Variants in TPRX1 observed in about 807,000 individuals in gnomAD.
TPRX1 encodes the protein tetrapeptide repeat homeobox 1.
A neutral mutation model predicts 8.1 loss-of-function variants in TPRX1; 2 were observed. The observed-to-expected ratio is 0.25, with a 90% CI of 0.10 to 0.78. TPRX1 has a LOEUF of 0.78. Among genes scored for constraint, TPRX1 ranks in the 30% least tolerant of loss-of-function variants. The pLI, the probability that TPRX1 is intolerant of heterozygous loss-of-function variation, is 0.70. For synonymous variants in TPRX1, 257 were observed against 254.1 expected (o/e 1.01, Z -0.11); for missense variants, 517 against 586.9 (o/e 0.88, Z 1.23).
intron 2 of TPRX1, among the ~76,000 whole-genome samples, chr19:47,811,057 G>A (rs1027928880): frequency 2.0e-5 from 3 of 150,022 alleles, no homozygotes; most frequent in African/African-American, 4.9e-5. Flanking sequence ...AGGCTGGACC[G>A]CAGTGGAGTG....
intron 2 of TPRX1, among the ~76,000 whole-genome samples, chr19:47,817,400 C>T (rs2123722414): frequency 6.6e-6 from 1 of 152,240 alleles, no homozygotes; most frequent in East Asian, 1.9e-4. Flanking sequence ...GCGGCAGAGC[C>T]AGAGCTGGGC....
At chr19:47,804,784 C>G (rs1020978154) in intron 2 of TPRX1, among the ~76,000 whole-genome samples, 1 of 152,244 alleles carries the variant, frequency 6.6e-6, no homozygotes, top group Non-Finnish European at 1.5e-5. Context: ...TTGGTTTCAC[C>G]CTCATGGGCC....
chr19:47,816,529 A>ATTTTTT (rs35029272), intron 2 of TPRX1, among the ~76,000 whole-genome samples: 1 of 114,688 alleles, frequency 8.7e-6, no homozygotes. Context: ...ACCCCTGGGA[A>ATTTTTT]TTTTTTTTTT....
rs750430305 is a variant in TPRX1 at position 47,802,664 on chromosome 19, G to T, written c.638C>A (p.Ser213Ter). The change falls in exon 4 of 4, where the codon TCA becomes TAA. Residue 213 changes from serine (S) to a stop codon, truncating the protein, a stop_gained. Coordinates refer to ENST00000535759, the Ensembl canonical transcript of TPRX1. LOFTEE classifies it low-confidence loss of function (END_TRUNC). ...TGGGCCTGGAATTGGGCCTGGAATT[G>T]AGCCAGGGAGTGGGCCTGGGATCTG... The T allele has an allele frequency of 1.9e-6, 3 of 1,560,046 alleles. No individual in the cohort carries two copies. Among genetic ancestry groups the T allele is most frequent in the East Asian group, 2.4e-5 (1 of 41,872 alleles).
chr19:47,809,342 A>T (rs1230103759), intron 2 of TPRX1, among the ~76,000 whole-genome samples: 2 of 151,364 alleles, frequency 1.3e-5, no homozygotes, highest in East Asian at 3.9e-4. Context: ...TTGCACTGTC[A>T]TGATCTCGGC....
chr19:47,814,705 G>A lies in TPRX1; in HGVS notation c.151+3763C>T, dbSNP rs1240406420. Among the ~76,000 whole-genome samples, 6 of 152,240 alleles carry A rather than the reference G, an allele frequency of 3.9e-5. No individual in the cohort carries two copies. In the South Asian group the frequency reaches 1.2e-3, roughly 32 times the overall value. On this transcript the variant is annotated intron_variant, in intron 2 of 3. Transcript: ENST00000535759. ...AGGGTCTGAACTGCAAGGAATCTTT[G>A]CAGAGTCCTGGGGTCTACCTCTGAT... is the stretch of plus-strand genomic sequence containing the variant.
chr19:47,805,320 C>T (rs777653845), intron 2 of TPRX1, among the ~76,000 whole-genome samples: 2 of 152,148 alleles, frequency 1.3e-5, no homozygotes, highest in South Asian at 4.1e-4. Context: ...GCTGCATAGA[C>T]CTGTATCAGG....
At chr19:47,816,718 G>T (rs1488587999) in intron 2 of TPRX1, among the ~76,000 whole-genome samples, 2 of 151,466 alleles carry the variant, frequency 1.3e-5, no homozygotes, top group African/African-American at 2.4e-5. Context: ...TTTTTTAGTA[G>T]AGATGGGGTT....
At chr19:47,815,143 TGCAAATATATATATATA>T (rs1171616993) in intron 2 of TPRX1, among the ~76,000 whole-genome samples, 43 of 76,944 alleles carry the variant, frequency 5.6e-4, no homozygotes, top group African/African-American at 1.9e-3. Context: ...TATATATATA[TGCAAATATATATATATA>T]TATTTTTTTT....
At chr19:47,802,068 C>T (rs1035565424) in exon 4 of TPRX1, 53 of 1,600,486 alleles carry the variant, frequency 3.3e-5, no homozygotes, top group Non-Finnish European at 4.5e-5. Flanking sequence ...GGGACTGAGC[C>T]TGAGCCTGGG....
At chr19:47,818,262 TC>T (rs1383820795) in intron 2 of TPRX1, among the ~76,000 whole-genome samples, 1 of 147,350 alleles carries the variant, frequency 6.8e-6, no homozygotes, top group African/African-American at 2.6e-5. Flanking sequence ...CATCCATCCA[TC>T]CATCCATCCA....
At chr19:47,816,171 C>T (rs1478465617) in intron 2 of TPRX1, among the ~76,000 whole-genome samples, 6 of 151,800 alleles carry the variant, frequency 4.0e-5, no homozygotes, top group African/African-American at 1.5e-4. Context: ...CGGGTTCAAG[C>T]AATTCTCATG....
At chr19:47,811,480 A>G (rs972437046) in intron 2 of TPRX1, among the ~76,000 whole-genome samples, 6 of 147,204 alleles carry the variant, frequency 4.1e-5, no homozygotes, top group African/African-American at 1.5e-4. Flanking sequence ...ATTGGCTGAG[A>G]CCATGTTCAT....
exon 4 of TPRX1, chr19:47,801,378 A>T (rs1340385229): frequency 5.7e-6 from 1 of 173,986 alleles, no homozygotes; most frequent in Non-Finnish European, 1.2e-5. Flanking sequence ...CTTCTCAATC[A>T]TCAGGGAAAT....
At chr19:47,805,737 A>G (rs1967730127) in intron 2 of TPRX1, among the ~76,000 whole-genome samples, 2 of 152,342 alleles carry the variant, frequency 1.3e-5, no homozygotes, top group South Asian at 4.1e-4. Flanking sequence ...TGCTGGGAAC[A>G]CAGTAGTGAC....
chr19:47,817,281 T>C (rs1053529191), intron 2 of TPRX1, among the ~76,000 whole-genome samples: 4 of 152,162 alleles, frequency 2.6e-5, no homozygotes, highest in Non-Finnish European at 5.9e-5. Context: ...CAGGGAACAA[T>C]AACTCCATGG....
chr19:47,807,540 T>G (rs1178356749), intron 2 of TPRX1, among the ~76,000 whole-genome samples: 2 of 151,520 alleles, frequency 1.3e-5, no homozygotes, highest in African/African-American at 4.9e-5. Flanking sequence ...AGTAAAAAAT[T>G]TTTTCTATTT....
At chr19:47,811,422 C>T (rs953804664) in intron 2 of TPRX1, among the ~76,000 whole-genome samples, 1 of 151,830 alleles carries the variant, frequency 6.6e-6, no homozygotes, top group Non-Finnish European at 1.5e-5. Context: ...GTGAGCAGAG[C>T]CTTGTGGGAC....
At chr19:47,803,917 C>G (rs551107258) in intron 2 of TPRX1, among the ~76,000 whole-genome samples, 149 of 152,174 alleles carry the variant, frequency 9.8e-4, no homozygotes, top group African/African-American at 3.4e-3. Context: ...TCGGAGCAGA[C>G]GGGGCTGCCT....
Sources: gnomAD v4.1 joint callset for allele counts (sites outside exome capture counted in the v4.1 genomes callset) on GRCh38, gnomAD v4.1.1 for gene constraint, MANE v1.5 for transcripts, NCBI Gene and HGNC (gene_info 2026-07-23, HGNC 2026-07-21) for gene names.